KIF13B: variants seen among roughly 807,000 people sequenced by gnomAD.
KIF13B encodes kinesin-like protein KIF13B.
Under a neutral mutation model 222.0 loss-of-function variants are expected in KIF13B, and 127 were observed. The observed-to-expected ratio is 0.57, with a 90% CI of 0.50 to 0.66. The LOEUF is 0.66. Among genes scored for constraint, KIF13B ranks in the 30% least tolerant of loss-of-function variants. The pLI, the probability that KIF13B is intolerant of heterozygous loss-of-function variation, is 0.00. For synonymous variants in KIF13B, 976 were observed against 919.0 expected (o/e 1.06, Z -1.12); for missense variants, 2,173 against 2,379.0 (o/e 0.91, Z 1.80).
chr8:29,144,256 C>G (rs1810953391), intron 18 of KIF13B, among the ~76,000 whole-genome samples: 1 of 151,564 alleles, frequency 6.6e-6, no homozygotes, highest in South Asian at 2.1e-4. Context: ...GGTCAAAATG[C>G]GTGTGTGTGT....
chr8:29,067,485 T>C lies in KIF13B; in HGVS notation c.*3019A>G, dbSNP rs1246568175. The C allele has an allele frequency of 6.6e-6, 1 of 152,470 alleles. No homozygotes were observed. Among genetic ancestry groups the C allele is most frequent in the East Asian group, 1.9e-4 (1 of 5,198 alleles). 9.4% of individuals were successfully genotyped at this position (152,470 alleles called of 1,614,324 possible). On this transcript the variant is annotated 3_prime_UTR_variant, in exon 40 of 40. Coordinates refer to ENST00000524189, the MANE Select transcript of KIF13B (RefSeq NM_015254.4). Reference sequence around the variant, plus strand: ...TCACAGAATCAAAGTCACTTCTTTATATGTGAACTCTTCGCATTTACACGA... The same window carrying C: ...TCACAGAATCAAAGTCACTTCTTTACATGTGAACTCTTCGCATTTACACGA...
chr8:29,078,245 A>G (rs951422876), intron 37 of KIF13B, among the ~76,000 whole-genome samples: 3 of 151,004 alleles, frequency 2.0e-5, no homozygotes, highest in African/African-American at 7.3e-5. Flanking sequence ...CAGTGAGCCA[A>G]GATAGTGCCA....
At chr8:29,117,166 T>C (rs1809643034) in intron 30 of KIF13B, among the ~76,000 whole-genome samples, 159 bp from the exon 31 acceptor site, 1 of 152,218 alleles carries the variant, frequency 6.6e-6, no homozygotes, top group South Asian at 2.1e-4. Context: ...AGTGTGACAG[T>C]GTGGCCACAA....
intron 26 of KIF13B, among the ~76,000 whole-genome samples, chr8:29,125,878 G>A (rs1205715636): frequency 6.6e-6 from 1 of 152,144 alleles, no homozygotes; most frequent in African/African-American, 2.4e-5. Context: ...GGAAGCCTAG[G>A]CGGGTGGATC....
In KIF13B at chr8:29,069,777, T is replaced by C. The variant is rs1043223651; in HGVS notation, c.*727A>G. 1 of 152,212 alleles carries C rather than the reference T, an allele frequency of 6.6e-6. No individual in the cohort carries two copies. The highest frequency in any genetic ancestry group is 2.4e-5 in the African/African-American group (1 of 41,452). 9.4% of individuals were successfully genotyped at this position (152,212 alleles called of 1,614,324 possible). ...ATAAATAAATACATTCCAAGCCTTC[T>C]GTGAAGGGAATAAACGGCAAACATA... On this transcript the variant is annotated 3_prime_UTR_variant, in exon 40 of 40. Coordinates refer to ENST00000524189, the MANE Select transcript of KIF13B (RefSeq NM_015254.4).
intron 1 of KIF13B, among the ~76,000 whole-genome samples, chr8:29,260,621 CT>C (rs556075595): frequency 2.2e-3 from 325 of 144,874 alleles, no homozygotes; most frequent in African/African-American, 2.9e-3. Context: ...TTGTTTTAGT[CT>C]TTTTTTTTTT....
chr8:29,227,657 T>A (rs1040673917), intron 2 of KIF13B, among the ~76,000 whole-genome samples: 1 of 152,140 alleles, frequency 6.6e-6, no homozygotes, highest in Admixed American at 6.5e-5. Context: ...GGTTGCGAAT[T>A]TCTGCTCCAG....
rs1359820035 is a variant in KIF13B at position 29,175,940 on chromosome 8, C to T, written c.945+128G>A. ...ATCAAAAATGTCATTACCATAAGAG[C>T]CTAATAATTATACATTTGCACACCG... On this transcript the variant is annotated intron_variant, in intron 10 of 39. Transcript: ENST00000524189. 6 of 666,298 alleles carry T rather than the reference C, an allele frequency of 9.0e-6. No individual in the cohort carries two copies. The Admixed American group carries it at 1.7e-4, about 19-fold the overall frequency. 41.3% of individuals were successfully genotyped at this position (666,298 alleles called of 1,614,324 possible). A position where few individuals can be genotyped will look rare whatever the true frequency, so the allele number is the denominator to read the frequency against.
At chr8:29,233,653 T>C (rs1815382920) in intron 2 of KIF13B, among the ~76,000 whole-genome samples, 2 of 152,276 alleles carry the variant, frequency 1.3e-5, no homozygotes, top group Non-Finnish European at 2.9e-5. Flanking sequence ...ATATGGGTTA[T>C]AGCTGATAGA....
chr8:29,148,194 G>A (rs889618916), intron 16 of KIF13B, among the ~76,000 whole-genome samples: 9 of 152,308 alleles, frequency 5.9e-5, no homozygotes, highest in African/African-American at 2.2e-4. Context: ...GACAGAGCGA[G>A]ACTCTCTCAC....
At chr8:29,109,337 C>T (rs1442825290) in intron 34 of KIF13B, 97 bp downstream of exon 34, 44 of 952,644 alleles carry the variant, frequency 4.6e-5, no homozygotes, top group South Asian at 2.6e-4. Context: ...GGAAGGGTTT[C>T]GGAGATGGGG....
At position 29,121,238 on chromosome 8, in the gene KIF13B, G is replaced by A. The variant is rs1410004779; in HGVS notation, c.3535+1353C>T. ...TTCATATGGAACCAAAAAAGAGCCCGCATTGCCAAGTCAATCCTAAGCCAA... is the reference window on the plus strand; with the variant it reads ...TTCATATGGAACCAAAAAAGAGCCCACATTGCCAAGTCAATCCTAAGCCAA... On this transcript the variant is annotated intron_variant, in intron 29 of 39. Coordinates refer to ENST00000524189, the MANE Select transcript of KIF13B (RefSeq NM_015254.4). Among the ~76,000 whole-genome samples, 159 of 77,414 alleles carry A rather than the reference G, an allele frequency of 2.1e-3. 1 individual carries two copies. Among genetic ancestry groups the A allele is most frequent in the Middle Eastern group, 7.2e-3 (1 of 138 alleles). The allele number at this position is 77,414 out of a possible 152,430, so 50.8% of individuals were successfully genotyped here. A position where few individuals can be genotyped will look rare whatever the true frequency, so the allele number is the denominator to read the frequency against.
At chr8:29,156,117 C>T (rs1423292055) in intron 13 of KIF13B, among the ~76,000 whole-genome samples, 1 of 152,070 alleles carries the variant, frequency 6.6e-6, no homozygotes, top group African/African-American at 2.4e-5. Context: ...TACAGGCATG[C>T]ACCACCATGC....
chr8:29,186,499 A>G (rs1316067269), intron 5 of KIF13B, 27 bp from the exon 6 acceptor site: 2 of 1,584,910 alleles, frequency 1.3e-6, no homozygotes, highest in Non-Finnish European at 1.7e-6. Context: ...CAGAGTTACT[A>G]TTGTCTCTTT....
chr8:29,094,992 G>A (rs1250416307), intron 36 of KIF13B, among the ~76,000 whole-genome samples: 1 of 146,864 alleles, frequency 6.8e-6, no homozygotes, highest in Non-Finnish European at 1.5e-5. Context: ...AAAGAACAGA[G>A]CCTCTGTGAC....
chr8:29,214,464 A>G (rs1414530202), intron 2 of KIF13B, among the ~76,000 whole-genome samples: 1 of 152,098 alleles, frequency 6.6e-6, no homozygotes, highest in Admixed American at 6.6e-5. Context: ...ACCGTCTTCC[A>G]CCTCCACGTC....
In KIF13B at chr8:29,072,018, A is replaced by C; in HGVS notation, c.4820T>G (p.Ile1607Ser). ...GGCCGTGGGCGGTGGGGGGTGGCTGATGGGCGCCTCGGGCTCGGCCTCAGG... is the reference window on the plus strand; with the variant it reads ...GGCCGTGGGCGGTGGGGGGTGGCTGCTGGGCGCCTCGGGCTCGGCCTCAGG... ...TAPEAEPEAP[I>S]SHPPPPTAVP... is the part of the protein sequence containing the mutation. The change falls in exon 39 of 40, where the codon ATC becomes AGC. Residue 1607 changes from isoleucine (I) to serine (S), a missense_variant. Around this residue, in one of 2 missense-constraint regions of KIF13B, gnomAD observed 693 missense variants for 656.2 expected, o/e 1.06. Transcript: ENST00000524189. 1 of 1,292,182 alleles carries C rather than the reference A, an allele frequency of 7.7e-7. No individual in the cohort carries two copies. Among genetic ancestry groups the C allele is most frequent in the Non-Finnish European group, 9.8e-7 (1 of 1,023,466 alleles). The allele number at this position is 1,292,182 out of a possible 1,614,324, so 80.0% of individuals were successfully genotyped here.
At chr8:29,122,107 A>T (rs999639156) in intron 29 of KIF13B, among the ~76,000 whole-genome samples, 1 of 152,068 alleles carries the variant, frequency 6.6e-6, no homozygotes, top group Non-Finnish European at 1.5e-5. Context: ...ACAAAAAATT[A>T]GCCGGGCGTG....
intron 2 of KIF13B, among the ~76,000 whole-genome samples, chr8:29,231,275 G>A (rs765912604): frequency 6.6e-6 from 1 of 152,204 alleles, no homozygotes; most frequent in Non-Finnish European, 1.5e-5. Context: ...GGTTCGGCCT[G>A]ATAAATCTTA....
Sources: gnomAD v4.1 joint callset for allele counts (sites outside exome capture counted in the v4.1 genomes callset) on GRCh38, gnomAD v4.1.1 for gene constraint, gnomAD v4.1.1 regional missense constraint, MANE v1.5 for transcripts, NCBI Gene and HGNC (gene_info 2026-07-23, HGNC 2026-07-21) for gene names.